TSPAN8: variants seen among roughly 807,000 people sequenced by gnomAD.
The protein encoded by TSPAN8 is tetraspanin-8.
TSPAN8 carries 21 observed loss-of-function variants against 32.8 expected under a neutral mutation model. The ratio of observed to expected loss-of-function variants is 0.64; its 90% CI spans 0.45 to 0.92. TSPAN8 has a LOEUF of 0.92. Among genes scored for constraint, TSPAN8 ranks in the 40% least tolerant of loss-of-function variants. The pLI is 0.00. For missense variants in TSPAN8, 269 were observed against 281.9 expected, an observed-to-expected ratio of 0.95 and a Z score of 0.33; for synonymous variants, 95 against 94.6, an observed-to-expected ratio of 1.00 and a Z score of -0.03.
At chr12:71,154,987 G>A (rs1394225560) in intron 2 of TSPAN8, among the ~76,000 whole-genome samples, 1 of 152,196 alleles carries the variant, frequency 6.6e-6, no homozygotes, top group Non-Finnish European at 1.5e-5. Context: ...TAATGGAGCT[G>A]ATCTATTGTT....
chr12:71,134,352 C>T (rs188761976), intron 6 of TSPAN8, among the ~76,000 whole-genome samples: 49 of 152,302 alleles, frequency 3.2e-4, no homozygotes, highest in Admixed American at 6.5e-4. Context: ...AAATATCTTT[C>T]CAATTCTGTA....
At chr12:71,132,634 T>C (rs2270588) in intron 7 of TSPAN8, 59 bp downstream of exon 7, 698,653 of 1,579,698 alleles carry the variant, frequency 0.44, 158,223 homozygotes, top group East Asian at 0.59. Context: ...GTAGGGACTT[T>C]AATTGTGAAA....
At chr12:71,132,883 T>G in intron 6 of TSPAN8, 59 bp from the exon 7 acceptor site, 2 of 1,569,382 alleles carry the variant, frequency 1.3e-6, no homozygotes, top group Non-Finnish European at 1.7e-6. Context: ...ACATTGGCAA[T>G]ACATTAAATT....
intron 2 of TSPAN8, among the ~76,000 whole-genome samples, chr12:71,147,230 C>T (rs1872105219): frequency 6.6e-6 from 1 of 152,114 alleles, no homozygotes; most frequent in East Asian, 1.9e-4. Context: ...GGGGAAGATA[C>T]CATCCAGAAG....
chr12:71,135,243 G>A lies in TSPAN8; in HGVS notation c.445-2419C>T, dbSNP rs1160239834. ...GGAGGAAGAAGAAGGAGGAGGAGGA[G>A]GAGGAGGAGGAGGTAAGAAGAGGAG... On this transcript the variant is annotated intron_variant, in intron 6 of 8. Coordinates refer to ENST00000247829, the MANE Select transcript of TSPAN8 (RefSeq NM_004616.3). 6.3e-5 allele frequency among the ~76,000 whole-genome samples: 4 copies of A among 63,418 alleles called. No individual in the cohort carries two copies. In the Admixed American group the frequency reaches 6.6e-4, roughly 10 times the overall value. 41.6% of individuals were successfully genotyped at this position (63,418 alleles called of 152,430 possible). A position where few individuals can be genotyped will look rare whatever the true frequency, so the allele number is the denominator to read the frequency against.
rs1415165652 is a variant in TSPAN8, at chr12:71,137,995, A to T, written c.402T>A (p.Ser134Arg). Reference sequence around the variant, plus strand: ...TTATGGCTTCCTGGAATTGTTTTTCACTTTCCCCTGTGGCGCTCAAAAGCT... The same window carrying T: ...TTATGGCTTCCTGGAATTGTTTTTCTCTTTCCCCTGTGGCGCTCAAAAGCT... ...NTKLLSATGE[S>R]EKQFQEAIIV... The change falls in exon 6 of 9, where the codon AGT (serine) becomes AGA (arginine). Residue 134 changes from serine (S) to arginine (R), a missense_variant. Coordinates refer to ENST00000247829, the MANE Select transcript of TSPAN8 (RefSeq NM_004616.3). 6.2e-7 allele frequency: 1 copy of T among 1,613,790 alleles called. No individual in the cohort carries two copies. The highest frequency in any genetic ancestry group is 2.2e-5 in the East Asian group (1 of 44,854).
chr12:71,148,283 T>C (rs1166220528), intron 2 of TSPAN8, among the ~76,000 whole-genome samples: 3 of 152,180 alleles, frequency 2.0e-5, no homozygotes, highest in Non-Finnish European at 4.4e-5. Context: ...TTCTCTCTTA[T>C]TCATTTGTGA....
intron 6 of TSPAN8, among the ~76,000 whole-genome samples, 177 bp downstream of exon 6, chr12:71,137,776 T>C (rs765804035): frequency 4.6e-5 from 7 of 152,222 alleles, no homozygotes; most frequent in Non-Finnish European, 1.0e-4. Context: ...GAACTTTGTA[T>C]GAAGCGAGAA....
At chr12:71,130,040 C>T (rs1049620420) in intron 7 of TSPAN8, among the ~76,000 whole-genome samples, 1 of 150,902 alleles carries the variant, frequency 6.6e-6, no homozygotes, top group East Asian at 2.0e-4. Context: ...GCAGCCTTGA[C>T]TTCCTGGGCT....
At chr12:71,141,644 G>C (rs775338172) in intron 3 of TSPAN8, among the ~76,000 whole-genome samples, 5 of 152,250 alleles carry the variant, frequency 3.3e-5, no homozygotes, top group African/African-American at 9.6e-5. Context: ...CCCACTGCCA[G>C]AGACTAGCCA....
chr12:71,157,358 C>T (rs1032021052), intron 2 of TSPAN8: 13 of 382,344 alleles, frequency 3.4e-5, no homozygotes, highest in African/African-American at 2.7e-4. Context: ...TTGTGTTCCT[C>T]TGTGATTTTT....
At position 71,131,447 on chromosome 12, in the gene TSPAN8, G is replaced by A. The variant is rs371846528; in HGVS notation, c.576+1246C>T. ...GAAAAAGATCAGTAGTCAAGGAAAG[G>A]GTAGTTTCCCCTGAGATACTTTCTA... On this transcript the variant is annotated intron_variant, in intron 7 of 8. Transcript: ENST00000247829. Among the ~76,000 whole-genome samples the A allele has an allele frequency of 4.6e-5, 7 of 151,962 alleles. No homozygotes were observed. The South Asian group carries it at 6.3e-4, about 14-fold the overall frequency.
rs761089484 is a variant in TSPAN8, at chr12:71,144,161, T to C, written c.113A>G (p.Asp38Gly). The change falls in exon 3 of 9, where the codon GAC (aspartate) becomes GGC (glycine). Residue 38 changes from aspartate (D) to glycine (G), a missense_variant. Physicochemically the swap from Asp to Gly is moderately conservative, Grantham distance 94. Coordinates refer to ENST00000247829, the MANE Select transcript of TSPAN8 (RefSeq NM_004616.3). ...TTTTTGCATACTTACTGCTTGAGAG[T>C]CATTGCTTACTCGTACCCATATTGC... ...ALAIWVRVSN[D>G]SQAIFGSEDV... 6.2e-7 allele frequency: 1 copy of C among 1,611,732 alleles called. No individual in the cohort carries two copies. Among genetic ancestry groups the C allele is most frequent in the Admixed American group, 1.7e-5 (1 of 59,912 alleles).
At chr12:71,156,263 A>AAC (rs1555196555) in intron 2 of TSPAN8, among the ~76,000 whole-genome samples, 3 of 65,140 alleles carry the variant, frequency 4.6e-5, no homozygotes, top group African/African-American at 1.5e-4. Context: ...AAAAAAAAAA[A>AAC]AAAAACAAAC....
chr12:71,146,099 A>G (rs1467635885), intron 2 of TSPAN8, among the ~76,000 whole-genome samples: 1 of 152,096 alleles, frequency 6.6e-6, no homozygotes, highest in Non-Finnish European at 1.5e-5. Flanking sequence ...AGCCACTGAA[A>G]ATTTTCTGTA....
intron 2 of TSPAN8, among the ~76,000 whole-genome samples, chr12:71,149,817 C>T (rs1872190540): frequency 6.6e-6 from 1 of 152,034 alleles, no homozygotes; most frequent in Non-Finnish European, 1.5e-5. Context: ...ATCAGTGCAC[C>T]TTGCAAAAGA....
At chr12:71,140,300 C>T (rs890739594) in intron 3 of TSPAN8, among the ~76,000 whole-genome samples, 5 of 151,950 alleles carry the variant, frequency 3.3e-5, no homozygotes, top group Non-Finnish European at 7.4e-5. Flanking sequence ...GCTAAAGAAG[C>T]CATAGAAAAA....
intron 2 of TSPAN8, among the ~76,000 whole-genome samples, chr12:71,156,283 AC>A (rs1872438276): frequency 9.7e-5 from 14 of 144,496 alleles, no homozygotes; most frequent in South Asian, 4.3e-4. Flanking sequence ...CAAAAAAAAA[AC>A]TAGAAACAAA....
At chr12:71,132,481 A>G (rs1310037947) in intron 7 of TSPAN8, among the ~76,000 whole-genome samples, 2 of 152,184 alleles carry the variant, frequency 1.3e-5, no homozygotes, top group Non-Finnish European at 2.9e-5. Context: ...TGACCTATTA[A>G]TATTGGGCTT....
Sources: gnomAD v4.1 joint callset for allele counts (sites outside exome capture counted in the v4.1 genomes callset) on GRCh38, gnomAD v4.1.1 for gene constraint, MANE v1.5 for transcripts, NCBI Gene and HGNC (gene_info 2026-07-23, HGNC 2026-07-21) for gene names.